Variants in TECPR2 observed in about 807,000 individuals in gnomAD.
TECPR2 encodes tectonin beta-propeller repeat containing 2.
Under a neutral mutation model 138.1 loss-of-function variants are expected in TECPR2, and 65 were observed. The observed-to-expected ratio is 0.47, with a 90% CI of 0.39 to 0.58. TECPR2 has a LOEUF of 0.58. Ranked by LOEUF, TECPR2 falls within the 20% of genes least tolerant of loss-of-function variation. The pLI is 0.00. For missense variants in TECPR2, 1,553 were observed against 1,824.5 expected (o/e 0.85, Z 2.71); for synonymous variants, 746 against 749.8 (o/e 0.99, Z 0.08).
Position 102,435,087 on chromosome 14 carries a change from T to C in TECPR2, c.2270T>C (p.Ile757Thr), listed in dbSNP as rs1410002091. The change falls in exon 9 of 20, where the codon ATC (isoleucine) becomes ACC (threonine). Residue 757 changes from isoleucine (I) to threonine (T), a missense_variant. Physicochemically the swap from Ile to Thr is moderately conservative, Grantham distance 89 (BLOSUM62 -1). Transcript: ENST00000359520. ...QTLTSSDEED[I>T]YAHGLPSSSS... ...TTGACGTCCAGCGATGAGGAGGACA[T>C]CTATGCCCACGGGCTTCCTTCTTCA... The C allele has an allele frequency of 1.2e-6, 2 of 1,613,866 alleles. No individual in the cohort carries two copies. Among genetic ancestry groups the C allele is most frequent in the Non-Finnish European group, 1.7e-6 (2 of 1,180,018 alleles).
chr14:102,417,789 G>GCTGGCACGGGAGTCCAGGGGAGC (rs1889067246), intron 5 of TECPR2, among the ~76,000 whole-genome samples: 1 of 149,488 alleles, frequency 6.7e-6, no homozygotes, highest in African/African-American at 2.5e-5. Flanking sequence ...CTGCGAGGAG[G>GCTGGCACGGGAGTCCAGGGGAGC]CTGGCACGGG....
chr14:102,455,077 C>A (rs2139759103), intron 16 of TECPR2, among the ~76,000 whole-genome samples: 1 of 152,242 alleles, frequency 6.6e-6, no homozygotes, highest in Admixed American at 6.5e-5. Context: ...AGAAACCTGG[C>A]TTGAGTGGGA....
chr14:102,493,536 G>A (rs2139799393), intron 17 of TECPR2, among the ~76,000 whole-genome samples: 1 of 152,384 alleles, frequency 6.6e-6, no homozygotes, highest in Middle Eastern at 3.4e-3. Flanking sequence ...TGTGATGTAT[G>A]GAAAGGGGGT....
At chr14:102,431,495 A>G (rs1299962063) in intron 7 of TECPR2, among the ~76,000 whole-genome samples, 1 of 151,962 alleles carries the variant, frequency 6.6e-6, no homozygotes, top group Non-Finnish European at 1.5e-5. Flanking sequence ...GGCGCCCGCC[A>G]CCATGCCCGG....
intron 1 of TECPR2, among the ~76,000 whole-genome samples, chr14:102,369,311 G>A (rs563690520): frequency 2.6e-5 from 4 of 152,196 alleles, no homozygotes; most frequent in African/African-American, 9.6e-5. Context: ...CAAATCAAGC[G>A]GATGGATTCT....
chr14:102,428,412 A>G (rs200788663), intron 7 of TECPR2, 30 bp downstream of exon 7: 8 of 1,606,668 alleles, frequency 5.0e-6, no homozygotes, highest in Non-Finnish European at 5.9e-6. Context: ...TGTACCATGT[A>G]TATGATGGGA....
chr14:102,418,500 C>T (rs1015200137), intron 5 of TECPR2, among the ~76,000 whole-genome samples: 12 of 152,194 alleles, frequency 7.9e-5, no homozygotes, highest in African/African-American at 2.7e-4. Context: ...TGCGAGAAGA[C>T]CTTAGAGAGA....
intron 1 of TECPR2, among the ~76,000 whole-genome samples, chr14:102,370,366 C>T (rs991062652): frequency 1.3e-5 from 2 of 152,236 alleles, no homozygotes; most frequent in Admixed American, 6.5e-5. Flanking sequence ...CCACCACACC[C>T]GGCCGGTAAT....
chr14:102,433,267 C>T (rs1205908210), intron 8 of TECPR2, among the ~76,000 whole-genome samples: 2 of 151,392 alleles, frequency 1.3e-5, no homozygotes, highest in Non-Finnish European at 2.9e-5. Flanking sequence ...AGGTAGTGAG[C>T]ACAGTATGCA....
intron 2 of TECPR2, among the ~76,000 whole-genome samples, chr14:102,378,304 CT>C (rs1185368550): frequency 6.6e-6 from 1 of 152,134 alleles, no homozygotes; most frequent in Non-Finnish European, 1.5e-5. Flanking sequence ...TAATTTAAGC[CT>C]CTGTGCTCAT....
intron 16 of TECPR2, among the ~76,000 whole-genome samples, chr14:102,457,869 CTT>C (rs748372168): frequency 3.0e-4 from 31 of 102,736 alleles, no homozygotes; most frequent in African/African-American, 6.9e-4. Flanking sequence ...ACTAAATTCC[CTT>C]TTTTTTTTTT....
intron 2 of TECPR2, among the ~76,000 whole-genome samples, chr14:102,398,890 A>C (rs1028749175): frequency 6.6e-6 from 1 of 151,566 alleles, no homozygotes; most frequent in African/African-American, 2.4e-5. Context: ...TGACTAAAAA[A>C]ACAAACTTCA....
Position 102,452,624 on chromosome 14 carries a change from C to G in TECPR2, c.3637C>G (p.Leu1213Val). The G allele has an allele frequency of 6.3e-7, 1 of 1,587,114 alleles. No individual in the cohort carries two copies. Among genetic ancestry groups the G allele is most frequent in the South Asian group, 1.1e-5 (1 of 87,806 alleles). The change falls in exon 16 of 20, where the codon CTA becomes GTA. Residue 1213 changes from leucine to valine, a missense_variant. Transcript: ENST00000359520. ...CTGGACCAGGCTGGACCTCTCCCAGCTAGGTACGGCCACCTCGTGAGTACA... is the reference window on the plus strand; with the variant it reads ...CTGGACCAGGCTGGACCTCTCCCAGGTAGGTACGGCCACCTCGTGAGTACA... ...MHWTRLDLSQ[L>V]GAVKLTSLAC...
chr14:102,428,426 A>ATACT, intron 7 of TECPR2, 44 bp downstream of exon 7: 1 of 1,601,508 alleles, frequency 6.2e-7, no homozygotes, highest in Non-Finnish European at 8.5e-7. Context: ...GATGGGAAGT[A>ATACT]CTATACTCTG....
At chr14:102,488,239 G>T (rs1287714987) in intron 17 of TECPR2, among the ~76,000 whole-genome samples, 1 of 150,608 alleles carries the variant, frequency 6.6e-6, no homozygotes, top group African/African-American at 2.4e-5. Context: ...ATTAGGTCTC[G>T]AGCTACTGGG....
intron 15 of TECPR2, among the ~76,000 whole-genome samples, chr14:102,451,986 C>T (rs1944984158): frequency 6.6e-6 from 1 of 152,126 alleles, no homozygotes; most frequent in Non-Finnish European, 1.5e-5. Flanking sequence ...CCCTCCCTCC[C>T]TCCAGGGCAC....
At chr14:102,461,699 C>A (rs1331163950) in intron 16 of TECPR2, among the ~76,000 whole-genome samples, 2 of 152,184 alleles carry the variant, frequency 1.3e-5, no homozygotes, top group African/African-American at 4.8e-5. Flanking sequence ...GGGCAGTGGT[C>A]CTCCAGGTGG....
At chr14:102,485,040 C>T (rs1008228635) in intron 17 of TECPR2, among the ~76,000 whole-genome samples, 2 of 152,222 alleles carry the variant, frequency 1.3e-5, no homozygotes, top group Admixed American at 1.3e-4. Context: ...TGCTCATTAT[C>T]ATCACTGCCC....
chr14:102,453,958 G>A (rs1890216210), intron 16 of TECPR2, among the ~76,000 whole-genome samples: 1 of 152,032 alleles, frequency 6.6e-6, no homozygotes, highest in African/African-American at 2.4e-5. Flanking sequence ...AGACCAACCT[G>A]GCCAACATGG....
Sources: gnomAD v4.1 joint callset for allele counts (sites outside exome capture counted in the v4.1 genomes callset) on GRCh38, gnomAD v4.1.1 for gene constraint, MANE v1.5 for transcripts, NCBI Gene and HGNC (gene_info 2026-07-23, HGNC 2026-07-21) for gene names.